Variants in GABRB2 observed in about 807,000 individuals in gnomAD.
GABRB2 encodes the protein gamma-aminobutyric acid type A receptor subunit beta2.
Under a neutral mutation model 54.7 loss-of-function variants are expected in GABRB2, and 16 were observed. The ratio of observed to expected loss-of-function variants is 0.29; its 90% CI spans 0.20 to 0.44. The LOEUF is 0.44. Among genes scored for constraint, GABRB2 ranks in the 20% least tolerant of loss-of-function variants. The pLI, the probability that GABRB2 is intolerant of heterozygous loss-of-function variation, is 1.00. For missense variants in GABRB2, 355 were observed against 644.0 expected, an observed-to-expected ratio of 0.55 and a Z score of 4.86; for synonymous variants, 244 against 233.8, an observed-to-expected ratio of 1.04 and a Z score of -0.40.
At chr5:161,444,439 G>A (rs1484969558) in intron 4 of GABRB2, among the ~76,000 whole-genome samples, 2 of 152,170 alleles carry the variant, frequency 1.3e-5, no homozygotes, top group African/African-American at 4.8e-5. Context: ...TTCTATGCTA[G>A]GAGGCTAATA....
At chr5:161,437,093 G>A (rs1418354650) in intron 4 of GABRB2, among the ~76,000 whole-genome samples, 3 of 152,172 alleles carry the variant, frequency 2.0e-5, no homozygotes, top group East Asian at 1.9e-4. Context: ...GTGAGTCCTA[G>A]GGCGGATTTA....
At position 161,292,692 on chromosome 5, in the gene GABRB2, A is replaced by G. The variant is rs1757269899; in HGVS notation, c.*1389T>C. ...TTTCCTTGATTAGGCAGATTGCAACATATACAATGAAAGCACTCTTAAGAA... is the reference window on the plus strand; with the variant it reads ...TTTCCTTGATTAGGCAGATTGCAACGTATACAATGAAAGCACTCTTAAGAA... On this transcript the variant is annotated 3_prime_UTR_variant, in exon 10 of 10. Coordinates refer to ENST00000393959, the MANE Select transcript of GABRB2 (RefSeq NM_001371727.1). 1 of 152,230 alleles carries G rather than the reference A, an allele frequency of 6.6e-6. No homozygotes were observed. Among genetic ancestry groups the G allele is most frequent in the Admixed American group, 6.5e-5 (1 of 15,278 alleles). 9.4% of individuals were successfully genotyped at this position (152,230 alleles called of 1,614,324 possible). A position where few individuals can be genotyped will look rare whatever the true frequency, so the allele number is the denominator to read the frequency against.
At chr5:161,349,762 C>A (rs1465521989) in intron 5 of GABRB2, among the ~76,000 whole-genome samples, 1 of 152,046 alleles carries the variant, frequency 6.6e-6, no homozygotes, top group Non-Finnish European at 1.5e-5. Context: ...CAACAGCCTG[C>A]AGGAAACTTA....
Position 161,314,546 on chromosome 5 carries a change from A to G in GABRB2, c.1191+11822T>C, listed in dbSNP as rs560519574. Among the ~76,000 whole-genome samples the G allele has an allele frequency of 6.6e-5, 10 of 152,262 alleles. No individual in the cohort carries two copies. In the South Asian group the frequency reaches 2.1e-3, roughly 32 times the overall value. On this transcript the variant is annotated intron_variant, in intron 9 of 9. Coordinates refer to ENST00000393959, the MANE Select transcript of GABRB2 (RefSeq NM_001371727.1). ...TTCCTAATTTCTATAGGAGCACAAGACTTGCTGGAGGTATTGTACTTGTTT... is the reference window on the plus strand; with the variant it reads ...TTCCTAATTTCTATAGGAGCACAAGGCTTGCTGGAGGTATTGTACTTGTTT...
intron 2 of GABRB2, among the ~76,000 whole-genome samples, chr5:161,545,586 C>T (rs1474248069): frequency 6.6e-6 from 1 of 152,122 alleles, no homozygotes; most frequent in Non-Finnish European, 1.5e-5. Flanking sequence ...CTCACAGAAG[C>T]ACAAGAATCC....
chr5:161,487,108 A>T (rs56114853), intron 3 of GABRB2, among the ~76,000 whole-genome samples: 1 of 151,842 alleles, frequency 6.6e-6, no homozygotes, highest in Non-Finnish European at 1.5e-5. Context: ...TGCCTTTGTG[A>T]AAACACAGAT....
intron 9 of GABRB2, among the ~76,000 whole-genome samples, chr5:161,317,486 T>C (rs1758077348): frequency 6.6e-6 from 1 of 152,228 alleles, no homozygotes; most frequent in Non-Finnish European, 1.5e-5. Context: ...TGATCATTCT[T>C]GCACTAACAA....
At chr5:161,398,566 G>C (rs1756075953) in intron 5 of GABRB2, among the ~76,000 whole-genome samples, 1 of 152,118 alleles carries the variant, frequency 6.6e-6, no homozygotes, top group African/African-American at 2.4e-5. Flanking sequence ...GATACCATCA[G>C]CATGTGCCAC....
At chr5:161,530,105 T>C (rs528725425) in intron 3 of GABRB2, among the ~76,000 whole-genome samples, 21 of 152,064 alleles carry the variant, frequency 1.4e-4, no homozygotes, top group Admixed American at 1.2e-3. Context: ...TTTGATTGAA[T>C]TGGGTTTTAG....
Position 161,543,672 on chromosome 5 carries a change from A to C in GABRB2, c.237+1555T>G, listed in dbSNP as rs756371868. Reference sequence around the variant, plus strand: ...TTTAGATTCACATTCCTGAGACATAAGAAGGTACCCACATTAAGACATCTT... The same window carrying C: ...TTTAGATTCACATTCCTGAGACATACGAAGGTACCCACATTAAGACATCTT... On this transcript the variant is annotated intron_variant, in intron 3 of 9. Coordinates refer to ENST00000393959, the MANE Select transcript of GABRB2 (RefSeq NM_001371727.1). 3.0e-4 allele frequency among the ~76,000 whole-genome samples: 45 copies of C among 152,306 alleles called. 1 individual carries two copies. Among genetic ancestry groups the C allele is most frequent in the Admixed American group, 7.8e-4 (12 of 15,300 alleles).
chr5:161,405,591 C>T (rs1756327689), intron 5 of GABRB2, among the ~76,000 whole-genome samples: 1 of 152,030 alleles, frequency 6.6e-6, no homozygotes, highest in Non-Finnish European at 1.5e-5. Flanking sequence ...CAAAGAGCCC[C>T]ACCTGCTCAC....
chr5:161,301,755 C>T lies in GABRB2; in HGVS notation c.1192-7327G>A, dbSNP rs190798612. On this transcript the variant is annotated intron_variant, in intron 9 of 9. Transcript: ENST00000393959. ...GGCTCCTTACCATCTGCTTTCTAGT[C>T]CAGCTTTAACTCCCAAGTCCATTCC... is the stretch of plus-strand genomic sequence containing the variant. 5.3e-5 allele frequency among the ~76,000 whole-genome samples: 8 copies of T among 152,304 alleles called. No homozygotes were observed. In the East Asian group the frequency reaches 1.5e-3, roughly 29 times the overall value.
intron 9 of GABRB2, among the ~76,000 whole-genome samples, chr5:161,310,442 C>G (rs932642864): frequency 3.3e-5 from 5 of 152,236 alleles, no homozygotes; most frequent in African/African-American, 9.6e-5. Flanking sequence ...CACCTTATCT[C>G]AGAACAAGAA....
At chr5:161,305,126 C>G (rs1326854493) in intron 9 of GABRB2, among the ~76,000 whole-genome samples, 1 of 149,304 alleles carries the variant, frequency 6.7e-6, no homozygotes, top group African/African-American at 2.5e-5. Flanking sequence ...ACGCCATTCT[C>G]CTGCCTCAGC....
chr5:161,321,938 A>C (rs1194254564), intron 9 of GABRB2, among the ~76,000 whole-genome samples: 1 of 152,194 alleles, frequency 6.6e-6, no homozygotes. Context: ...GCTAATAGGT[A>C]CAGCAAAATT....
intron 3 of GABRB2, among the ~76,000 whole-genome samples, chr5:161,519,742 C>G (rs940492110): frequency 3.9e-5 from 6 of 151,954 alleles, no homozygotes; most frequent in African/African-American, 1.4e-4. Context: ...AGAATCGATA[C>G]CATCCCAATT....
At chr5:161,385,482 G>A (rs1185077520) in intron 5 of GABRB2, among the ~76,000 whole-genome samples, 1 of 152,162 alleles carries the variant, frequency 6.6e-6, no homozygotes, top group Non-Finnish European at 1.5e-5. Flanking sequence ...AGTACTTCAA[G>A]ATTTTTTTCT....
At chr5:161,526,737 C>A (rs944014870) in intron 3 of GABRB2, among the ~76,000 whole-genome samples, 4 of 151,230 alleles carry the variant, frequency 2.6e-5, no homozygotes, top group African/African-American at 9.7e-5. Flanking sequence ...ATCCCATTGA[C>A]AATAACCATA....
chr5:161,326,959 T>G (rs1464018893), intron 8 of GABRB2: 1 of 978,916 alleles, frequency 1.0e-6, no homozygotes, highest in Non-Finnish European at 1.2e-6. Flanking sequence ...ATATAAAGCT[T>G]AAAAGAGAAG....
Sources: gnomAD v4.1 joint callset for allele counts (sites outside exome capture counted in the v4.1 genomes callset) on GRCh38, gnomAD v4.1.1 for gene constraint, MANE v1.5 for transcripts, NCBI Gene and HGNC (gene_info 2026-07-23, HGNC 2026-07-21) for gene names.